Variants in CTNNA2 observed in about 807,000 individuals in gnomAD.
CTNNA2 encodes catenin alpha-2.
A neutral mutation model predicts 101.0 loss-of-function variants in CTNNA2; 42 were observed. The ratio of observed to expected loss-of-function variants is 0.42; its 90% confidence interval spans 0.32 to 0.54. CTNNA2 has a LOEUF of 0.54. Among genes scored for constraint, CTNNA2 ranks in the 20% least tolerant of loss-of-function variants. CTNNA2 has a pLI of 0.14. For missense variants in CTNNA2, 871 were observed against 1,223.1 expected (o/e 0.71, Z 4.29); for synonymous variants, 450 against 456.4 (o/e 0.99, Z 0.18).
At chr2:79,225,484 G>A (rs1353209861) in intron 2 of CTNNA2, among the ~76,000 whole-genome samples, 2 of 152,158 alleles carry the variant, frequency 1.3e-5, no homozygotes, top group Admixed American at 6.5e-5. Context: ...ACTAGGAGAT[G>A]TGTGAAAGGT....
intron 3 of CTNNA2, among the ~76,000 whole-genome samples, chr2:79,789,457 T>C (rs1675106118): frequency 6.6e-6 from 1 of 152,056 alleles, no homozygotes; most frequent in Non-Finnish European, 1.5e-5. Flanking sequence ...TTGTATGATA[T>C]GGCTTATGGG....
intron 4 of CTNNA2, among the ~76,000 whole-genome samples, chr2:79,396,949 G>T (rs776070375): frequency 6.6e-6 from 1 of 152,076 alleles, no homozygotes; most frequent in Non-Finnish European, 1.5e-5. Context: ...GTGTACATCC[G>T]AATCACTGGG....
At chr2:79,672,236 C>T (rs571684879) in intron 2 of CTNNA2, among the ~76,000 whole-genome samples, 126 of 152,152 alleles carry the variant, frequency 8.3e-4, no homozygotes, top group African/African-American at 2.5e-3. Flanking sequence ...TATTTTCAGC[C>T]GTTATTTAAT....
rs180995144 is a variant in CTNNA2, at chr2:79,459,283, C to A, written c.-134-45771C>A. On this transcript the variant is annotated intron_variant, in intron 4 of 21. Transcript: ENST00000466387. ...GAACTTCTACTCATAGTTCTAGGAACAGAAAATAATCTAGTTTACTTTTAA... is the reference window on the plus strand; with the variant it reads ...GAACTTCTACTCATAGTTCTAGGAAAAGAAAATAATCTAGTTTACTTTTAA... Among the ~76,000 whole-genome samples the A allele has an allele frequency of 4.1e-3, 623 of 152,074 alleles. 16 individuals carry two copies. The highest frequency in any genetic ancestry group is 0.036 in the Admixed American group (548 of 15,272).
chr2:80,365,629 A>G (rs917311781), intron 7 of CTNNA2, among the ~76,000 whole-genome samples: 5 of 151,820 alleles, frequency 3.3e-5, no homozygotes, highest in African/African-American at 1.2e-4. Flanking sequence ...TCTAATTTCT[A>G]AAATCATTTT....
At chr2:80,486,089 A>G (rs1686560718) in intron 9 of CTNNA2, among the ~76,000 whole-genome samples, 1 of 152,220 alleles carries the variant, frequency 6.6e-6, no homozygotes, top group South Asian at 2.1e-4. Flanking sequence ...ATTAGAAATC[A>G]GCTGTACATA....
At chr2:80,142,222 T>G (rs1352457112) in intron 7 of CTNNA2, among the ~76,000 whole-genome samples, 1 of 152,206 alleles carries the variant, frequency 6.6e-6, no homozygotes, top group Non-Finnish European at 1.5e-5. Context: ...CTTATGACTT[T>G]GCCTGTAATG....
At chr2:80,017,545 G>A (rs1694243634) in intron 7 of CTNNA2, among the ~76,000 whole-genome samples, 1 of 151,328 alleles carries the variant, frequency 6.6e-6, no homozygotes, top group African/African-American at 2.4e-5. Flanking sequence ...AATCAACAAG[G>A]GTAGCTTTAA....
At chr2:80,504,308 T>C (rs1382868424) in intron 9 of CTNNA2, among the ~76,000 whole-genome samples, 1 of 152,190 alleles carries the variant, frequency 6.6e-6, no homozygotes, top group Non-Finnish European at 1.5e-5. Context: ...CTCTCCACTG[T>C]AGAGCGAGTT....
chr2:80,359,396 A>C (rs747493318), intron 7 of CTNNA2, among the ~76,000 whole-genome samples: 58 of 152,210 alleles, frequency 3.8e-4, no homozygotes, highest in Non-Finnish European at 7.4e-4. Context: ...CTGTATTCCC[A>C]CCTAAACTCA....
At chr2:79,197,667 T>A (rs1673979097) in intron 1 of CTNNA2, among the ~76,000 whole-genome samples, 1 of 152,218 alleles carries the variant, frequency 6.6e-6, no homozygotes, top group Admixed American at 6.5e-5. Context: ...TTGAGTTTCA[T>A]CCCGTTTTAT....
chr2:79,914,184 A>C (rs1036689478), intron 7 of CTNNA2, among the ~76,000 whole-genome samples: 1 of 151,080 alleles, frequency 6.6e-6, no homozygotes, highest in Non-Finnish European at 1.5e-5. Flanking sequence ...AAAAAAAAAA[A>C]AAAAAGAAAG....
At chr2:79,629,594 G>C (rs544259578) in intron 1 of CTNNA2, among the ~76,000 whole-genome samples, 2 of 152,064 alleles carry the variant, frequency 1.3e-5, no homozygotes, top group Non-Finnish European at 2.9e-5. Context: ...CAGGTTGGGG[G>C]GTCAGATGTT....
intron 7 of CTNNA2, among the ~76,000 whole-genome samples, chr2:80,105,787 A>G (rs1412624160): frequency 6.6e-6 from 1 of 152,064 alleles, no homozygotes; most frequent in African/African-American, 2.4e-5. Context: ...ATTATAATAG[A>G]CAAATCCATT....
intron 9 of CTNNA2, among the ~76,000 whole-genome samples, chr2:80,526,212 T>G (rs1573136469): frequency 6.6e-6 from 1 of 152,168 alleles, no homozygotes; most frequent in Admixed American, 6.5e-5. Context: ...TTTCTTTTCT[T>G]TTTTTGAGAC....
intron 9 of CTNNA2, among the ~76,000 whole-genome samples, chr2:80,435,825 A>G (rs1681977594): frequency 6.6e-6 from 1 of 152,158 alleles, no homozygotes; most frequent in East Asian, 1.9e-4. Context: ...CTTTAGTTTT[A>G]CTTTCCATTA....
At chr2:79,561,366 G>C (rs1242095760) in intron 1 of CTNNA2, among the ~76,000 whole-genome samples, 1 of 151,820 alleles carries the variant, frequency 6.6e-6, no homozygotes, top group African/African-American at 2.4e-5. Context: ...TGTCAATCAT[G>C]AATAATGCTA....
At chr2:80,279,128 A>G (rs953562632) in intron 7 of CTNNA2, among the ~76,000 whole-genome samples, 2 of 151,262 alleles carry the variant, frequency 1.3e-5, no homozygotes, top group African/African-American at 4.9e-5. Flanking sequence ...TGAAGAAGAC[A>G]GAATAATGAA....
chr2:80,477,726 AAT>A (rs1491311882), intron 9 of CTNNA2, among the ~76,000 whole-genome samples: 1 of 123,208 alleles, frequency 8.1e-6, no homozygotes, highest in East Asian at 2.8e-4. Context: ...CCATGGTGTG[AAT>A]GTGTGTGTGT....
Sources: allele counts gnomAD v4.1 joint callset (sites outside exome capture counted in the v4.1 genomes callset), GRCh38; gene constraint gnomAD v4.1.1; transcripts MANE v1.5; gene names NCBI Gene and HGNC (gene_info 2026-07-23, HGNC 2026-07-21).